SDK2: variants seen among roughly 807,000 people sequenced by gnomAD.
The protein encoded by SDK2 is sidekick cell adhesion molecule 2, also known as protein sidekick-2.
A neutral mutation model predicts 253.9 loss-of-function variants in SDK2; 105 were observed. The ratio of observed to expected loss-of-function variants is 0.41; its 90% CI spans 0.35 to 0.49. SDK2 has a LOEUF of 0.49. SDK2 is among the 20% of genes least tolerant of loss of function. The probability of loss-of-function intolerance (pLI) is 0.06; values close to 1 mark genes in which losing one functional copy is unlikely to be tolerated. For missense variants in SDK2, 2,608 were observed against 3,003.0 expected (o/e 0.87, Z 3.07); for synonymous variants, 1,249 against 1,234.9 (o/e 1.01, Z -0.24).
intron 19 of SDK2, 48 bp from the exon 20 acceptor site, chr17:73,401,800 A>G (rs1190772965): frequency 6.6e-7 from 1 of 1,508,870 alleles, no homozygotes; most frequent in African/African-American, 1.4e-5. Context: ...TTAGAGCCAG[A>G]GAGAGACCAC....
chr17:73,498,324 T>C (rs2063859901), intron 2 of SDK2, among the ~76,000 whole-genome samples: 1 of 152,220 alleles, frequency 6.6e-6, no homozygotes. Flanking sequence ...TGCCTCTTCC[T>C]GAAACTCCCA....
chr17:73,415,350 CTTTTTT>C (rs35201251), intron 17 of SDK2, among the ~76,000 whole-genome samples: 5 of 122,126 alleles, frequency 4.1e-5, no homozygotes, highest in Non-Finnish European at 8.3e-5. Context: ...TTTCATTTCA[CTTTTTT>C]TTTTTTTTTT....
chr17:73,350,111 TTGAA>T, intron 43 of SDK2, 122 bp downstream of exon 43: 1 of 599,770 alleles, frequency 1.7e-6, no homozygotes, highest in Non-Finnish European at 2.3e-6. Context: ...GCCCTGGGGC[TTGAA>T]TGGTGTTTCC....
At chr17:73,412,347 A>T (rs1327333803) in intron 18 of SDK2, among the ~76,000 whole-genome samples, 1 of 150,764 alleles carries the variant, frequency 6.6e-6, no homozygotes, top group Non-Finnish European at 1.5e-5. Flanking sequence ...CATGTTGGCC[A>T]GGCTGGTCTT....
chr17:73,575,877 A>C (rs901815076), intron 1 of SDK2, among the ~76,000 whole-genome samples: 1 of 152,166 alleles, frequency 6.6e-6, no homozygotes, highest in African/African-American at 2.4e-5. Flanking sequence ...CCTGCTCTTG[A>C]GGGGCTCACA....
intron 1 of SDK2, among the ~76,000 whole-genome samples, chr17:73,573,884 C>T (rs539467527): frequency 6.6e-6 from 1 of 152,358 alleles, no homozygotes; most frequent in Admixed American, 6.5e-5. Flanking sequence ...CACACATGCC[C>T]AACCCTGCCC....
intron 31 of SDK2, 129 bp from the exon 32 acceptor site, chr17:73,386,046 C>A: frequency 1.7e-6 from 1 of 574,418 alleles, no homozygotes; most frequent in Admixed American, 3.1e-5. Flanking sequence ...TCCATGCCTG[C>A]TGGCCCGATT....
rs375476297 is a variant in SDK2, at chr17:73,400,419, G to C, written c.2971+601C>G. On this transcript the variant is annotated intron_variant, in intron 21 of 44. Transcript: ENST00000392650. ...ATCACAGATACCATTGCCTGGTGTG[G>C]AATCTGGTGAGAAATGGGTGAAGGG... Among the ~76,000 whole-genome samples, 114 of 152,326 alleles carry C rather than the reference G, an allele frequency of 7.5e-4. 2 individuals carry two copies. The South Asian group carries it at 0.023, about 30-fold the overall frequency.
Position 73,364,597 on chromosome 17 carries a change from C to T in SDK2, c.5305+661G>A, listed in dbSNP as rs114580652. Among the ~76,000 whole-genome samples, 500 of 152,038 alleles carry T rather than the reference C, an allele frequency of 3.3e-3. 2 individuals are homozygous for T. The highest frequency in any genetic ancestry group is 0.012 in the African/African-American group (482 of 41,470). ...GGTTTGGGAAAGGGCAAAGTAGGAC[C>T]CTCAGGGGCTCCCCTCTTCTTTTTC... On this transcript the variant is annotated intron_variant, in intron 38 of 44. Transcript: ENST00000392650.
At chr17:73,533,899 A>C (rs935349831) in intron 1 of SDK2, among the ~76,000 whole-genome samples, 1 of 151,860 alleles carries the variant, frequency 6.6e-6, no homozygotes, top group African/African-American at 2.4e-5. Context: ...GATTGTTTAC[A>C]CTCCACTTGC....
chr17:73,447,487 C>T lies in SDK2; in HGVS notation c.613+128G>A, dbSNP rs1166242116. The T allele has an allele frequency of 6.6e-6, 9 of 1,358,810 alleles. No homozygotes were observed. The highest frequency in any genetic ancestry group is 2.0e-4 in the Middle Eastern group (1 of 5,026). 84.2% of individuals were successfully genotyped at this position (1,358,810 alleles called of 1,614,324 possible). ...GTCTCGTCCTCCTTGGGAAGGCTCC[C>T]CCCGGCCGTCCCCTAGCTTCCCTGT... On this transcript the variant is annotated intron_variant, in intron 5 of 44. Coordinates refer to ENST00000392650, the MANE Select transcript of SDK2 (RefSeq NM_001144952.2). The surrounding 1 kb of genome is among the most constrained non-coding windows in gnomAD (Gnocchi z 4.0).
chr17:73,419,734 A>C (rs2063213407), intron 15 of SDK2, among the ~76,000 whole-genome samples: 1 of 146,884 alleles, frequency 6.8e-6, no homozygotes, highest in African/African-American at 2.6e-5. Flanking sequence ...AAAACCCAAA[A>C]AAACTCCCTC....
At chr17:73,412,372 A>G (rs1235375613) in intron 18 of SDK2, among the ~76,000 whole-genome samples, 1 of 151,338 alleles carries the variant, frequency 6.6e-6, no homozygotes, top group Non-Finnish European at 1.5e-5. Context: ...TCCCAACCTC[A>G]GGTAATCCAC....
In SDK2 at chr17:73,534,565, A is replaced by G. The variant is rs1041344698; in HGVS notation, c.65-26968T>C. On this transcript the variant is annotated intron_variant, in intron 1 of 44. Coordinates refer to ENST00000392650, the MANE Select transcript of SDK2 (RefSeq NM_001144952.2). The surrounding 1 kb of genome is among the most constrained non-coding windows in gnomAD (Gnocchi z 4.9). ...ACAAAAGGGAGGGATGGGAAGATGC[A>G]CAGAGGCAGAGCGCGAGACCAGCAA... 6.6e-6 allele frequency among the ~76,000 whole-genome samples: 1 copy of G among 152,176 alleles called. No individual in the cohort carries two copies. Among genetic ancestry groups the G allele is most frequent in the Admixed American group, 6.5e-5 (1 of 15,286 alleles).
rs575059340 is a variant in SDK2 at position 73,618,013 on chromosome 17, G to A, written c.64+26012C>T. ...TGTCTGACGAGTTAACCACTAGACC[G>A]AACCCACCAGGCCAAGGAGCCAGGG... On this transcript the variant is annotated intron_variant, in intron 1 of 44. Transcript: ENST00000392650. This position sits in a 1 kb window ranked among gnomAD's most constrained non-coding sequence, Gnocchi z 4.1. Among the ~76,000 whole-genome samples, 68 of 152,306 alleles carry A rather than the reference G, an allele frequency of 4.5e-4. No homozygotes were observed. The highest frequency in any genetic ancestry group is 1.3e-3 in the African/African-American group (52 of 41,572).
In SDK2 at chr17:73,426,208, CTTTTTTTTTTTTTTTT is replaced by C. The variant is rs751417057; in HGVS notation, c.1584-2132_1584-2117del. ...TACAGGCCTGCACCACCATGCTGGG[CTTTTTTTTTTTTTTTT>C]TTTTTTTTTTTTCTGTATTTTTAGT... On this transcript the variant is annotated intron_variant, in intron 12 of 44. Transcript: ENST00000392650. Among the ~76,000 whole-genome samples the C allele has an allele frequency of 1.7e-4, 5 of 29,166 alleles. 1 individual carries two copies. Among genetic ancestry groups the C allele is most frequent in the African/African-American group, 5.3e-4 (5 of 9,474 alleles). The allele number at this position is 29,166 out of a possible 152,430, so 19.1% of individuals were successfully genotyped here.
chr17:73,391,532 C>A lies in SDK2; in HGVS notation c.3905G>T (p.Gly1302Val). ...TGGGAACAGGATGCCCATGGGTGGT[C>A]CTGGGACTGGAGGGGGCAAAGGAGA... ...ILERTLDDVPGPPMGILFPEV... is the reference protein window; with the variant it reads ...ILERTLDDVPVPPMGILFPEV... Residue 1302 changes from glycine (G) to valine (V), a missense_variant, in exon 28 of 45, where the codon GGA (glycine) becomes GTA (valine). Gly to Val is a moderately radical substitution (Grantham distance 109). Coordinates refer to ENST00000392650, the MANE Select transcript of SDK2 (RefSeq NM_001144952.2). 1 of 1,297,000 alleles carries A rather than the reference C, an allele frequency of 7.7e-7. No individual in the cohort carries two copies. The highest frequency in any genetic ancestry group is 2.9e-5 in the East Asian group (1 of 35,012). The allele number at this position is 1,297,000 out of a possible 1,614,324, so 80.3% of individuals were successfully genotyped here. A position where few individuals can be genotyped will look rare whatever the true frequency, so the allele number is the denominator to read the frequency against.
intron 3 of SDK2, 22 bp from the exon 4 acceptor site, chr17:73,456,075 T>G: frequency 6.8e-7 from 1 of 1,461,476 alleles, no homozygotes. Context: ...ACAACGGCAG[T>G]AGGATCAGGG....
In SDK2 at chr17:73,435,748, C is replaced by T; in HGVS notation, c.1001-104G>A. The T allele has an allele frequency of 1.9e-6, 2 of 1,057,428 alleles. No homozygotes were observed. The highest frequency in any genetic ancestry group is 2.7e-6 in the Non-Finnish European group (2 of 746,402). 65.5% of individuals were successfully genotyped at this position (1,057,428 alleles called of 1,614,324 possible). On this transcript the variant is annotated intron_variant, in intron 8 of 44. Coordinates refer to ENST00000392650, the MANE Select transcript of SDK2 (RefSeq NM_001144952.2). This position sits in a 1 kb window ranked among gnomAD's most constrained non-coding sequence, Gnocchi z 5.7. ...GGGCCCGGAAATCTGCGAGGGGGTCCCTGGTGAATCTTGGTGTCTAGAACC... is the reference window on the plus strand; with the variant it reads ...GGGCCCGGAAATCTGCGAGGGGGTCTCTGGTGAATCTTGGTGTCTAGAACC...
Sources: allele counts gnomAD v4.1 joint callset (sites outside exome capture counted in the v4.1 genomes callset), GRCh38; gene constraint gnomAD v4.1.1; non-coding constraint Gnocchi (gnomAD v3.1); transcripts MANE v1.5; gene names NCBI Gene and HGNC (gene_info 2026-07-23, HGNC 2026-07-21).